The following ERBB4 variants were observed in gnomAD, a reference collection of about 807,000 sequenced individuals.
ERBB4 encodes erb-b2 receptor tyrosine kinase 4, also known as receptor tyrosine-protein kinase erbB-4.
ERBB4 carries 42 observed loss-of-function variants against 158.0 expected under a neutral mutation model. That is an observed-to-expected ratio of 0.27 (90% CI 0.21 to 0.34). ERBB4 has a LOEUF of 0.34. Among genes scored for constraint, ERBB4 ranks in the 10% least tolerant of loss-of-function variants. The pLI is 1.00. For missense variants in ERBB4, 1,333 were observed against 1,624.1 expected (o/e 0.82, Z 3.08); for synonymous variants, 583 against 558.7 (o/e 1.04, Z -0.61).
intron 2 of ERBB4, among the ~76,000 whole-genome samples, chr2:211,966,133 G>A (rs1161601233): frequency 6.6e-6 from 1 of 152,186 alleles, no homozygotes. Context: ...AGGACTGCAT[G>A]AGCCCAAGAG....
chr2:211,993,941 A>AT (rs1355063713), intron 2 of ERBB4, among the ~76,000 whole-genome samples: 1 of 151,630 alleles, frequency 6.6e-6, no homozygotes, highest in Non-Finnish European at 1.5e-5. Flanking sequence ...AATTATAAAC[A>AT]TTTTTATATG....
chr2:211,599,511 T>TTGTGTGTGTGTGTGTG (rs201810389), intron 19 of ERBB4, among the ~76,000 whole-genome samples: 21 of 20,842 alleles, frequency 1.0e-3, no homozygotes, highest in African/African-American at 1.3e-3. Flanking sequence ...AAATAATTTC[T>TTGTGTGTGTGTGTGTG]TCTGTGTGTG....
At chr2:211,540,442 G>A (rs377593871) in intron 20 of ERBB4, among the ~76,000 whole-genome samples, 1 of 151,954 alleles carries the variant, frequency 6.6e-6, no homozygotes, top group Non-Finnish European at 1.5e-5. Context: ...GAGGGGGAAC[G>A]ACACCTGATG....
At chr2:211,794,446 C>T (rs1044290560) in intron 3 of ERBB4, among the ~76,000 whole-genome samples, 1 of 151,882 alleles carries the variant, frequency 6.6e-6, no homozygotes, top group African/African-American at 2.4e-5. Flanking sequence ...ATGATGTACA[C>T]CTCTTTGTGT....
intron 20 of ERBB4, among the ~76,000 whole-genome samples, chr2:211,505,200 G>A (rs2065714506): frequency 6.6e-6 from 1 of 151,984 alleles, no homozygotes; most frequent in Non-Finnish European, 1.5e-5. Context: ...GGCAGCTAGA[G>A]AGAAGTGTCA....
In ERBB4 at chr2:211,589,037, A is replaced by T. The variant is rs952412951; in HGVS notation, c.2302-26949T>A. On this transcript the variant is annotated intron_variant, in intron 19 of 27. Transcript: ENST00000342788. ...AAGAAAATAAATATAACTGTGTTCA[A>T]ATCCTGAAAATCTATAATTGCAATC... 2.6e-5 allele frequency among the ~76,000 whole-genome samples: 4 copies of T among 152,172 alleles called. No individual in the cohort carries two copies. The East Asian group carries it at 7.7e-4, about 29-fold the overall frequency.
At chr2:211,747,860 G>A (rs2075019235) in intron 5 of ERBB4, among the ~76,000 whole-genome samples, 1 of 151,616 alleles carries the variant, frequency 6.6e-6, no homozygotes, top group Middle Eastern at 3.5e-3. Context: ...CTTGGTATCT[G>A]CAGTAAATTG....
chr2:212,163,271 C>T (rs1412113349), intron 1 of ERBB4, among the ~76,000 whole-genome samples: 1 of 151,944 alleles, frequency 6.6e-6, no homozygotes, highest in African/African-American at 2.4e-5. Flanking sequence ...TTTCCCATCA[C>T]CCAAAACTGT....
intron 1 of ERBB4, among the ~76,000 whole-genome samples, chr2:212,135,885 T>A (rs944771478): frequency 6.6e-6 from 1 of 152,224 alleles, no homozygotes; most frequent in Non-Finnish European, 1.5e-5. Flanking sequence ...ATCTGCCCCA[T>A]CATCTGGCTC....
At chr2:212,072,871 G>A (rs2078164329) in intron 2 of ERBB4, among the ~76,000 whole-genome samples, 1 of 151,936 alleles carries the variant, frequency 6.6e-6, no homozygotes, top group Non-Finnish European at 1.5e-5. Flanking sequence ...TTATGCAAAT[G>A]AGTGAGTATC....
chr2:212,052,124 A>G (rs1559391327), intron 2 of ERBB4, among the ~76,000 whole-genome samples: 1 of 152,224 alleles, frequency 6.6e-6, no homozygotes, highest in Non-Finnish European at 1.5e-5. Context: ...TCAGCTGCCA[A>G]TGCAGCTAGA....
intron 1 of ERBB4, among the ~76,000 whole-genome samples, chr2:212,532,419 C>T (rs1048834192): frequency 2.6e-5 from 4 of 152,212 alleles, no homozygotes; most frequent in Admixed American, 6.5e-5. Context: ...GAAACTAGGG[C>T]TATGCCTATG....
At chr2:211,690,952 T>C (rs1376200848) in intron 12 of ERBB4, among the ~76,000 whole-genome samples, 1 of 152,180 alleles carries the variant, frequency 6.6e-6, no homozygotes, top group African/African-American at 2.4e-5. Flanking sequence ...TGTTAAAAAT[T>C]TGGAGAGATA....
intron 20 of ERBB4, among the ~76,000 whole-genome samples, chr2:211,515,914 T>TATATATATATATATA (rs1559248895): frequency 2.0e-5 from 1 of 50,712 alleles, no homozygotes; most frequent in African/African-American, 1.2e-4. Flanking sequence ...ATATATATAT[T>TATATATATATATATA]TTTTTTTTTT....
chr2:212,310,610 TG>T (rs2086998713), intron 1 of ERBB4, among the ~76,000 whole-genome samples: 1 of 3,732 alleles, frequency 2.7e-4, no homozygotes, highest in Non-Finnish European at 1.1e-3. Context: ...TATATGTATA[TG>T]TGTGTGTGTG....
chr2:212,159,008 G>A (rs1019813326), intron 1 of ERBB4, among the ~76,000 whole-genome samples: 4 of 151,972 alleles, frequency 2.6e-5, no homozygotes, highest in African/African-American at 7.2e-5. Context: ...GAGTCTACAT[G>A]ATGAGTAAAT....
chr2:211,582,612 T>C (rs1037058285), intron 19 of ERBB4, among the ~76,000 whole-genome samples: 5 of 152,216 alleles, frequency 3.3e-5, no homozygotes, highest in African/African-American at 1.2e-4. Context: ...TTATTTATGA[T>C]ATCATACTGA....
chr2:212,021,620 T>C (rs112651313), intron 2 of ERBB4, among the ~76,000 whole-genome samples: 12,243 of 152,108 alleles, frequency 0.08, 523 homozygotes, highest in South Asian at 0.12. Flanking sequence ...ATAAAAACCC[T>C]AGAAGAAAAT....
At position 211,509,181 on chromosome 2, in the gene ERBB4, G is replaced by T. The variant is rs190398043; in HGVS notation, c.2487+52722C>A. ...GGGGGAGTATCACGCACCAGAGCCT[G>T]TCGGGGAGTGGGGGACAAGGGGAGG... On this transcript the variant is annotated intron_variant, in intron 20 of 27. Transcript: ENST00000342788. 1.6e-4 allele frequency among the ~76,000 whole-genome samples: 25 copies of T among 151,914 alleles called. No individual in the cohort carries two copies. The East Asian group carries it at 3.7e-3, about 22-fold the overall frequency.
Sources: gnomAD v4.1 joint callset for allele counts (sites outside exome capture counted in the v4.1 genomes callset) on GRCh38, gnomAD v4.1.1 for gene constraint, MANE v1.5 for transcripts, NCBI Gene and HGNC (gene_info 2026-07-23, HGNC 2026-07-21) for gene names.